DMXL1: variants seen among roughly 807,000 people sequenced by gnomAD.
The protein encoded by DMXL1 is dmX-like protein 1.
In DMXL1, 99 loss-of-function variants were observed where a neutral mutation model predicts 319.2. The observed-to-expected ratio is 0.31, with a 90% confidence interval of 0.26 to 0.37. The LOEUF is 0.37. Ranked by LOEUF, DMXL1 falls within the 10% of genes least tolerant of loss-of-function variation. DMXL1 has a pLI of 1.00. For synonymous variants in DMXL1, 1,385 were observed against 1,235.2 expected (o/e 1.12, Z -2.54); for missense variants, 3,745 against 3,595.6 (o/e 1.04, Z -1.06).
Position 119,144,520 on chromosome 5 carries a change from A to G in DMXL1, c.2467-16A>G, listed in dbSNP as rs1156372414. On this transcript the variant is annotated splice_polypyrimidine_tract_variant and intron_variant, in intron 14 of 43. Transcript: ENST00000539542. Reference sequence around the variant, plus strand: ...AACACATAGGTCAACTTACGTTGATATTTATTTATATTCAGCATGGCAGAA... The same window carrying G: ...AACACATAGGTCAACTTACGTTGATGTTTATTTATATTCAGCATGGCAGAA... 17 of 1,553,780 alleles carry G rather than the reference A, an allele frequency of 1.1e-5. No homozygotes were observed. The highest frequency in any genetic ancestry group is 1.9e-5 in the Admixed American group (1 of 51,766).
intron 34 of DMXL1, among the ~76,000 whole-genome samples, chr5:119,208,825 G>C (rs994064717): frequency 2.6e-5 from 4 of 152,082 alleles, no homozygotes; most frequent in Non-Finnish European, 2.9e-5. Context: ...ATATCCATCA[G>C]TCCCCAGAAT....
chr5:119,188,486 G>A (rs1332034762), intron 28 of DMXL1, among the ~76,000 whole-genome samples: 2 of 152,118 alleles, frequency 1.3e-5, no homozygotes, highest in Non-Finnish European at 2.9e-5. Flanking sequence ...TTTTTGAAAG[G>A]TAAAAAAATA....
In DMXL1 at chr5:119,227,045, G is replaced by A. The variant is rs77732352; in HGVS notation, c.8338+2276G>A. Reference sequence around the variant, plus strand: ...CTCCCTTTCCCACCCTTTTCTGGAGGTTGGCGAGTGGAACTGAAAGTTTCA... The same window carrying A: ...CTCCCTTTCCCACCCTTTTCTGGAGATTGGCGAGTGGAACTGAAAGTTTCA... On this transcript the variant is annotated intron_variant, in intron 38 of 43. Transcript: ENST00000539542. Among the ~76,000 whole-genome samples, 308 of 152,198 alleles carry A rather than the reference G, an allele frequency of 2.0e-3. 9 individuals carry two copies. The East Asian group carries it at 0.052, about 26-fold the overall frequency.
intron 13 of DMXL1, among the ~76,000 whole-genome samples, chr5:119,136,054 A>G (rs1765920254): frequency 6.6e-6 from 1 of 152,244 alleles, no homozygotes; most frequent in Non-Finnish European, 1.5e-5. Context: ...TTTGACCAAA[A>G]TGCTGATAGT....
intron 8 of DMXL1, among the ~76,000 whole-genome samples, chr5:119,120,455 C>G (rs908543231): frequency 3.0e-4 from 46 of 152,162 alleles, no homozygotes; most frequent in African/African-American, 8.4e-4. Flanking sequence ...ACCATTTTAT[C>G]ATATGAAAGA....
intron 10 of DMXL1, 193 bp from the exon 11 acceptor site, chr5:119,132,939 A>T: frequency 3.2e-6 from 2 of 620,146 alleles, no homozygotes; most frequent in South Asian, 4.0e-5. Context: ...TTACTGGTTT[A>T]CTTAAAGTAT....
chr5:119,195,571 C>T (rs1561847847), intron 30 of DMXL1, among the ~76,000 whole-genome samples: 3 of 151,980 alleles, frequency 2.0e-5, no homozygotes, highest in Non-Finnish European at 2.9e-5. Context: ...TTTTCAAGGG[C>T]TGGTGGTGGG....
At chr5:119,163,884 G>T (rs1253684326) in intron 19 of DMXL1, among the ~76,000 whole-genome samples, 1 of 151,820 alleles carries the variant, frequency 6.6e-6, no homozygotes, top group African/African-American at 2.4e-5. Flanking sequence ...CTAATTGTAC[G>T]TTTTTTGAGT....
chr5:119,188,725 T>C (rs756830097), intron 28 of DMXL1, among the ~76,000 whole-genome samples: 49 of 152,380 alleles, frequency 3.2e-4, no homozygotes, highest in Non-Finnish European at 4.3e-4. Context: ...CTTAGAATAC[T>C]AATATTTTAT....
intron 33 of DMXL1, 79 bp from the exon 34 acceptor site, chr5:119,206,755 C>G (rs1011848889): frequency 1.2e-6 from 1 of 836,084 alleles, no homozygotes; most frequent in African/African-American, 1.7e-5. Context: ...TAAAATATAG[C>G]ATTGAAACAA....
intron 38 of DMXL1, among the ~76,000 whole-genome samples, chr5:119,230,568 AT>A (rs1403363563): frequency 2.6e-5 from 4 of 152,228 alleles, no homozygotes; most frequent in Non-Finnish European, 5.9e-5. Context: ...GATACAAAAT[AT>A]CAAACTCAGT....
chr5:119,108,650 G>A (rs1348680724), intron 4 of DMXL1, among the ~76,000 whole-genome samples: 1 of 152,086 alleles, frequency 6.6e-6, no homozygotes, highest in South Asian at 2.1e-4. Flanking sequence ...GAACTCCTGG[G>A]CTCAAGCAGT....
chr5:119,199,050 C>G (rs1780191780), intron 32 of DMXL1, among the ~76,000 whole-genome samples: 1 of 152,098 alleles, frequency 6.6e-6, no homozygotes, highest in South Asian at 2.1e-4. Flanking sequence ...CCATGCCCAG[C>G]TAATTTTTTG....
chr5:119,151,445 C>T (rs1769776089), intron 18 of DMXL1, among the ~76,000 whole-genome samples: 1 of 152,036 alleles, frequency 6.6e-6, no homozygotes. Context: ...AGAGATATTA[C>T]TAGTAGATAC....
At chr5:119,228,691 C>T (rs1786071176) in intron 38 of DMXL1, among the ~76,000 whole-genome samples, 1 of 151,950 alleles carries the variant, frequency 6.6e-6, no homozygotes, top group Non-Finnish European at 1.5e-5. Flanking sequence ...TTTGGAAACT[C>T]GCAAAGTTAG....
chr5:119,146,013 A>C (rs192444423), intron 15 of DMXL1, among the ~76,000 whole-genome samples: 1 of 151,928 alleles, frequency 6.6e-6, no homozygotes, highest in East Asian at 1.9e-4. Flanking sequence ...AACTTAGAAT[A>C]CATTACCAAA....
At chr5:119,185,848 A>G (rs1259561286) in intron 28 of DMXL1, among the ~76,000 whole-genome samples, 1 of 151,998 alleles carries the variant, frequency 6.6e-6, no homozygotes, top group Non-Finnish European at 1.5e-5. Context: ...GATGATTAAG[A>G]AGTACCTTCA....
chr5:119,095,691 A>T (rs1353045376), intron 1 of DMXL1, among the ~76,000 whole-genome samples: 1 of 152,242 alleles, frequency 6.6e-6, no homozygotes, highest in Non-Finnish European at 1.5e-5. Flanking sequence ...TCAAAATTTA[A>T]TATCAAGGAG....
At chr5:119,099,018 A>G (rs569867252) in intron 2 of DMXL1, among the ~76,000 whole-genome samples, 25 of 152,268 alleles carry the variant, frequency 1.6e-4, no homozygotes, top group African/African-American at 5.5e-4. Context: ...TGTTTTCTGA[A>G]TCTTTACATA....
Sources: allele counts gnomAD v4.1 joint callset (sites outside exome capture counted in the v4.1 genomes callset), GRCh38; gene constraint gnomAD v4.1.1; transcripts MANE v1.5; gene names NCBI Gene and HGNC (gene_info 2026-07-23, HGNC 2026-07-21).